NTMT1: variants seen among roughly 807,000 people sequenced by gnomAD.
NTMT1 encodes N-terminal Xaa-Pro-Lys N-methyltransferase 1.
A neutral mutation model predicts 17.5 loss-of-function variants in NTMT1; 8 were observed. That is an observed-to-expected ratio of 0.46 (90% CI 0.27 to 0.82). The LOEUF is 0.82. Ranked by LOEUF, NTMT1 falls within the 40% of genes least tolerant of loss-of-function variation. The pLI, the probability that NTMT1 is intolerant of heterozygous loss-of-function variation, is 0.15. For synonymous variants in NTMT1, 128 were observed against 126.8 expected, an observed-to-expected ratio of 1.01 and a Z score of -0.06; for missense variants, 221 against 303.5, an observed-to-expected ratio of 0.73 and a Z score of 2.02.
upstream of NTMT1, among the ~76,000 whole-genome samples, chr9:129,623,717 A>G (rs1830807698): frequency 6.6e-6 from 1 of 151,550 alleles, no homozygotes; most frequent in African/African-American, 2.4e-5. Flanking sequence ...GAGAGCTACA[A>G]TATTGAGTGG....
Position 129,613,574 on chromosome 9 carries a change from G to T in NTMT1, c.-55+4396G>T. 6.2e-7 allele frequency: 1 copy of T among 1,614,136 alleles called. No individual in the cohort carries two copies. Among genetic ancestry groups the T allele is most frequent in the Non-Finnish European group, 8.5e-7 (1 of 1,180,010 alleles). ...GACGCCACTGGCAGGGCGGCCTTCT[G>T]GTTCACAATGACGCTCTGTTGGACT... is the stretch of plus-strand genomic sequence containing the variant. On this transcript the variant is annotated intron_variant, in intron 1 of 3. Transcript: ENST00000372486. The surrounding 1 kb of genome is among the most constrained non-coding windows in gnomAD (Gnocchi z 6.2).
In NTMT1 at chr9:129,613,165, G is replaced by A; in HGVS notation, c.-55+3987G>A. The A allele has an allele frequency of 6.2e-7, 1 of 1,613,800 alleles. No homozygotes were observed. The highest frequency in any genetic ancestry group is 8.5e-7 in the Non-Finnish European group (1 of 1,180,010). ...TCGGAGGCTGCTTCGCGGCCTCTGA[G>A]CAGCGGCCTTCTTCCATGAACAGAA... On this transcript the variant is annotated intron_variant, in intron 1 of 3. Transcript: ENST00000372486. The surrounding 1 kb of genome is among the most constrained non-coding windows in gnomAD (Gnocchi z 6.2).
chr9:129,613,288 T>C lies in NTMT1; in HGVS notation c.-55+4110T>C, dbSNP rs1830175309. Reference sequence around the variant, plus strand: ...AGGACCCCATGAGCTTCCTGGACTCTGAGTCCCCGGCCCACCCATGGCTGG... The same window carrying C: ...AGGACCCCATGAGCTTCCTGGACTCCGAGTCCCCGGCCCACCCATGGCTGG... On this transcript the variant is annotated intron_variant, in intron 1 of 3. Coordinates refer to the NTMT1 transcript ENST00000372486. The surrounding 1 kb of genome is among the most constrained non-coding windows in gnomAD (Gnocchi z 6.2). 6.3e-7 allele frequency: 1 copy of C among 1,575,532 alleles called. No individual in the cohort carries two copies. Among genetic ancestry groups the C allele is most frequent in the Non-Finnish European group, 8.6e-7 (1 of 1,159,250 alleles).
chr9:129,610,205 AGG>A (rs2118839267), intron 1 of NTMT1, among the ~76,000 whole-genome samples: 1 of 47,182 alleles, frequency 2.1e-5, no homozygotes. Flanking sequence ...GGAGGGGGGG[AGG>A]AGGGAGGGGG....
rs186835280 is a variant in NTMT1, at chr9:129,612,357, T to C, written c.-55+3179T>C. On this transcript the variant is annotated intron_variant, in intron 1 of 3. Transcript: ENST00000372486. ...TGGGTTCGCGAGTGTTCACCTCTTATCTGGCTGCAGTGTTGCGGAGGCCAG... is the reference window on the plus strand; with the variant it reads ...TGGGTTCGCGAGTGTTCACCTCTTACCTGGCTGCAGTGTTGCGGAGGCCAG... The C allele has an allele frequency of 2.0e-5, 33 of 1,613,694 alleles. No homozygotes were observed. In the East Asian group the frequency reaches 7.1e-4, roughly 35 times the overall value.
upstream of NTMT1, among the ~76,000 whole-genome samples, chr9:129,623,540 C>A (rs1366317562): frequency 6.6e-6 from 1 of 151,972 alleles, no homozygotes; most frequent in Non-Finnish European, 1.5e-5. Flanking sequence ...AGACAGAGGT[C>A]ATTTACATGA....
At chr9:129,624,381 A>G (rs1338665653), upstream of NTMT1, among the ~76,000 whole-genome samples, 1 of 152,214 alleles carries the variant, frequency 6.6e-6, no homozygotes, top group Non-Finnish European at 1.5e-5. Flanking sequence ...GCCCAGGATC[A>G]ATCCCTTTGC....
intron 2 of NTMT1, 67 bp downstream of exon 2, chr9:129,632,932 G>A (rs760713803): frequency 1.9e-6 from 3 of 1,544,048 alleles, no homozygotes; most frequent in Admixed American, 1.8e-5. Context: ...GTCCATGTGG[G>A]GTGCCACCTT....
At chr9:129,612,303 A>C (rs1312875805) in intron 1 of NTMT1, 1 of 1,531,914 alleles carries the variant, frequency 6.5e-7, no homozygotes, top group African/African-American at 1.4e-5. Context: ...GACGCTCCTC[A>C]TTGCCTGGCC....
At chr9:129,611,200 G>A in intron 1 of NTMT1, among the ~76,000 whole-genome samples, 1 of 152,180 alleles carries the variant, frequency 6.6e-6, no homozygotes, top group East Asian at 1.9e-4. Context: ...CATTAAACAA[G>A]GCGCCAGGGT....
chr9:129,611,852 A>AGGTGGTTG (rs1830120946), intron 1 of NTMT1, among the ~76,000 whole-genome samples: 2 of 152,006 alleles, frequency 1.3e-5, no homozygotes, highest in Non-Finnish European at 2.9e-5. Flanking sequence ...ACCTGGGCTC[A>AGGTGGTTG]AGCAATCTGC....
At chr9:129,611,314 G>A (rs1046162678) in intron 1 of NTMT1, among the ~76,000 whole-genome samples, 1 of 152,226 alleles carries the variant, frequency 6.6e-6, no homozygotes, top group African/African-American at 2.4e-5. Flanking sequence ...CAGGGAAAGA[G>A]GCGGCGGCTC....
Position 129,614,071 on chromosome 9 carries a change from T to A in NTMT1, c.-55+4893T>A, listed in dbSNP as rs1410588551. 1.3e-5 allele frequency among the ~76,000 whole-genome samples: 2 copies of A among 152,212 alleles called. No homozygotes were observed. The highest frequency in any genetic ancestry group is 2.9e-5 in the Non-Finnish European group (2 of 68,032). On this transcript the variant is annotated intron_variant, in intron 1 of 3. Coordinates refer to the NTMT1 transcript ENST00000372486. This position sits in a 1 kb window ranked among gnomAD's most constrained non-coding sequence, Gnocchi z 4.4. ...CCCCCACGTCTCCTGGGCACCCTGCTGCCCGGGACACCATGATAGCTCCTT... is the reference window on the plus strand; with the variant it reads ...CCCCCACGTCTCCTGGGCACCCTGCAGCCCGGGACACCATGATAGCTCCTT...
chr9:129,617,812 T>C (rs1347508103), intron 1 of NTMT1, among the ~76,000 whole-genome samples: 2 of 151,998 alleles, frequency 1.3e-5, no homozygotes, highest in East Asian at 3.9e-4. Context: ...GCCTCCCGAG[T>C]AGCTGGAACC....
intron 3 of NTMT1, 123 bp from the exon 4 acceptor site, chr9:129,635,085 C>A: frequency 1.8e-6 from 2 of 1,126,304 alleles, no homozygotes; most frequent in Non-Finnish European, 2.5e-6. Context: ...GCCAATGAGG[C>A]CATGTGTGCA....
rs1564331824 is a variant in NTMT1 at position 129,613,044 on chromosome 9, C to T, written c.-55+3866C>T. The T allele has an allele frequency of 2.5e-6, 4 of 1,600,418 alleles. No homozygotes were observed. Among genetic ancestry groups the T allele is most frequent in the East Asian group, 2.2e-5 (1 of 44,500 alleles). On this transcript the variant is annotated intron_variant, in intron 1 of 3. Transcript: ENST00000372486. This position sits in a 1 kb window ranked among gnomAD's most constrained non-coding sequence, Gnocchi z 6.2. ...CCACTCCACCAAACAGGGCTGCTCC[C>T]GGAGCCAGCTGCCAGCAGGGGCTCA...
upstream of NTMT1, among the ~76,000 whole-genome samples, chr9:129,621,694 C>A (rs1434841802): frequency 6.6e-6 from 1 of 152,178 alleles, no homozygotes; most frequent in Non-Finnish European, 1.5e-5. Context: ...ACAAACTCCC[C>A]CTTTGGGAGG....
rs1174062646 is a variant in NTMT1, at chr9:129,620,424, C to T, written c.-55+11246C>T. The T allele has an allele frequency of 6.4e-6, 8 of 1,259,004 alleles. No individual in the cohort carries two copies. The highest frequency in any genetic ancestry group is 6.2e-5 in the African/African-American group (4 of 64,410). The allele number at this position is 1,259,004 out of a possible 1,614,324, so 78.0% of individuals were successfully genotyped here. A position where few individuals can be genotyped will look rare whatever the true frequency, so the allele number is the denominator to read the frequency against. ...GCGCCGCCCCCCGGGATCCTCCAGT[C>T]CCCGGAGCCCCGCGCGCCCAGAGCC... On this transcript the variant is annotated intron_variant, in intron 1 of 3. Coordinates refer to the NTMT1 transcript ENST00000372486. This position sits in a 1 kb window ranked among gnomAD's most constrained non-coding sequence, Gnocchi z 5.8.
At chr9:129,615,346 G>A in intron 1 of NTMT1, 1 of 953,156 alleles carries the variant, frequency 1.0e-6, no homozygotes, top group Non-Finnish European at 1.5e-6. Flanking sequence ...GCCAGTTCAG[G>A]CACATCCTCT....
Sources: allele counts gnomAD v4.1 joint callset (sites outside exome capture counted in the v4.1 genomes callset), GRCh38; gene constraint gnomAD v4.1.1; non-coding constraint Gnocchi (gnomAD v3.1); transcripts MANE v1.5; gene names NCBI Gene and HGNC (gene_info 2026-07-23, HGNC 2026-07-21).